LTBP1: variants seen among roughly 807,000 people sequenced by gnomAD.
LTBP1 encodes the protein latent-transforming growth factor beta-binding protein 1.
LTBP1 carries 129 observed loss-of-function variants against 207.6 expected under a neutral mutation model. That is an observed-to-expected ratio of 0.62 (90% confidence interval 0.54 to 0.72). The LOEUF (loss-of-function observed/expected upper bound fraction) is 0.72, where lower values mean the gene tolerates loss of function less well. Among genes scored for constraint, LTBP1 ranks in the 30% least tolerant of loss-of-function variants. The pLI, the probability that LTBP1 is intolerant of heterozygous loss-of-function variation, is 0.00. For missense variants in LTBP1, 2,281 were observed against 2,217.2 expected, an observed-to-expected ratio of 1.03 and a Z score of -0.58; for synonymous variants, 963 against 833.7, an observed-to-expected ratio of 1.16 and a Z score of -2.67.
At chr2:33,056,195 G>A in intron 3 of LTBP1, 1 of 297,836 alleles carries the variant, frequency 3.4e-6, no homozygotes, top group Non-Finnish European at 6.3e-6. Flanking sequence ...AAAAAAATGA[G>A]CCGCCTCTTT....
At chr2:33,007,204 C>G (rs1049447463) in intron 2 of LTBP1, among the ~76,000 whole-genome samples, 2 of 152,188 alleles carry the variant, frequency 1.3e-5, no homozygotes, top group African/African-American at 4.8e-5. Flanking sequence ...AGGTCTCGAA[C>G]TCGTGACCTC....
At chr2:33,201,420 T>C (rs927213648) in intron 7 of LTBP1, among the ~76,000 whole-genome samples, 1 of 150,766 alleles carries the variant, frequency 6.6e-6, no homozygotes, top group Non-Finnish European at 1.5e-5. Flanking sequence ...TAGGTGGGAA[T>C]TGAACAGTGA....
intron 5 of LTBP1, among the ~76,000 whole-genome samples, chr2:33,183,084 G>A (rs914180425): frequency 2.0e-5 from 3 of 152,032 alleles, no homozygotes; most frequent in African/African-American, 7.3e-5. Context: ...TTTCTTTTGT[G>A]TACTGTCGTA....
At chr2:33,039,324 A>C (rs151191159) in intron 3 of LTBP1, among the ~76,000 whole-genome samples, 7 of 152,012 alleles carry the variant, frequency 4.6e-5, no homozygotes, top group South Asian at 4.1e-4. Context: ...AAAACCCATA[A>C]TTGTTCTTTC....
intron 9 of LTBP1, among the ~76,000 whole-genome samples, chr2:33,237,931 T>C (rs1332822273): frequency 6.6e-6 from 1 of 152,160 alleles, no homozygotes; most frequent in African/African-American, 2.4e-5. Flanking sequence ...AGGCTGAAGA[T>C]CTATAGATTA....
At chr2:33,222,881 G>T (rs1394465704) in intron 9 of LTBP1, among the ~76,000 whole-genome samples, 5 of 152,130 alleles carry the variant, frequency 3.3e-5, no homozygotes, top group African/African-American at 1.2e-4. Context: ...GTTACTTTAT[G>T]GGAAGACCAA....
At chr2:33,166,396 G>C (rs2084923012) in intron 5 of LTBP1, among the ~76,000 whole-genome samples, 1 of 152,100 alleles carries the variant, frequency 6.6e-6, no homozygotes, top group South Asian at 2.1e-4. Context: ...GGTTTATTTA[G>C]GAGAATTGCC....
intron 3 of LTBP1, among the ~76,000 whole-genome samples, chr2:33,036,951 C>T (rs1020994086): frequency 2.6e-5 from 4 of 152,248 alleles, no homozygotes; most frequent in Non-Finnish European, 4.4e-5. Flanking sequence ...TGCTTAAAAG[C>T]CTCTTGTCCA....
chr2:33,396,324 G>A (rs750538446), intron 32 of LTBP1, among the ~76,000 whole-genome samples: 23 of 152,012 alleles, frequency 1.5e-4, no homozygotes, highest in Non-Finnish European at 2.5e-4. Flanking sequence ...AGGCTCAAGC[G>A]ATTCTTCTGC....
At chr2:33,248,635 G>C (rs144455060) in intron 10 of LTBP1, among the ~76,000 whole-genome samples, 3 of 149,064 alleles carry the variant, frequency 2.0e-5, no homozygotes, top group African/African-American at 7.4e-5. Flanking sequence ...TGCCCAGGCT[G>C]GAGTGCAGTG....
chr2:33,273,999 A>G (rs1410034017), intron 16 of LTBP1, among the ~76,000 whole-genome samples: 2 of 152,248 alleles, frequency 1.3e-5, no homozygotes, highest in East Asian at 3.8e-4. Flanking sequence ...CAAATGTAAT[A>G]TATTTACATA....
intron 3 of LTBP1, among the ~76,000 whole-genome samples, chr2:33,082,371 A>G (rs2078462270): frequency 6.6e-6 from 1 of 151,610 alleles, no homozygotes. Context: ...AGACTAGGAC[A>G]GGTAGCATAG....
chr2:33,173,810 A>G (rs2085728876), intron 5 of LTBP1, among the ~76,000 whole-genome samples: 1 of 144,730 alleles, frequency 6.9e-6, no homozygotes, highest in Non-Finnish European at 1.5e-5. Context: ...ATCCACCATG[A>G]TCAAGGGGGC....
intron 31 of LTBP1, among the ~76,000 whole-genome samples, chr2:33,378,948 A>G (rs1351549575): frequency 6.6e-6 from 1 of 152,204 alleles, no homozygotes; most frequent in Non-Finnish European, 1.5e-5. Context: ...ACAAATCTGC[A>G]GGGAGCAGAA....
At chr2:33,075,545 T>C (rs2078035734) in intron 3 of LTBP1, among the ~76,000 whole-genome samples, 1 of 152,232 alleles carries the variant, frequency 6.6e-6, no homozygotes, top group Non-Finnish European at 1.5e-5. Context: ...ATGAGAGTTA[T>C]GCTGGAATTA....
chr2:33,335,163 T>G (rs1391512915), intron 24 of LTBP1, among the ~76,000 whole-genome samples: 2 of 146,406 alleles, frequency 1.4e-5, no homozygotes, highest in African/African-American at 5.1e-5. Flanking sequence ...GTAGTACATC[T>G]CCATGCTGGG....
rs71409616 is a variant in LTBP1 at position 33,397,674 on chromosome 2, ATTTTT to A, written c.4984+409_4984+413del. Among the ~76,000 whole-genome samples the A allele has an allele frequency of 3.3e-3, 384 of 117,470 alleles. 2 individuals are homozygous for A. The highest frequency in any genetic ancestry group is 0.011 in the African/African-American group (340 of 31,468). The allele number at this position is 117,470 out of a possible 152,430, so 77.1% of individuals were successfully genotyped here. A position where few individuals can be genotyped will look rare whatever the true frequency, so the allele number is the denominator to read the frequency against. ...AGGCACCCGCCACCACACCCGGCTA[ATTTTT>A]TTTTTTTTTTTTTTTTGTATTTTTA... On this transcript the variant is annotated intron_variant, in intron 33 of 33. Coordinates refer to ENST00000404816, the MANE Select transcript of LTBP1 (RefSeq NM_206943.4).
chr2:33,315,330 A>G, intron 24 of LTBP1, 61 bp downstream of exon 24: 1 of 1,595,890 alleles, frequency 6.3e-7, no homozygotes, highest in Admixed American at 1.8e-5. Flanking sequence ...GATTGCTTTC[A>G]CTTATACAAA....
chr2:33,351,140 G>A (rs1386285213), intron 26 of LTBP1, among the ~76,000 whole-genome samples: 1 of 152,124 alleles, frequency 6.6e-6, no homozygotes, highest in East Asian at 1.9e-4. Flanking sequence ...TTAAATATCA[G>A]TTTTCGCTAA....
Sources: gnomAD v4.1 joint callset for allele counts (sites outside exome capture counted in the v4.1 genomes callset) on GRCh38, gnomAD v4.1.1 for gene constraint, MANE v1.5 for transcripts, NCBI Gene and HGNC (gene_info 2026-07-23, HGNC 2026-07-21) for gene names.